The following MOB3A variants were observed in gnomAD, a reference collection of about 807,000 sequenced individuals.
MOB3A encodes MOB LAK.
In MOB3A, 17 loss-of-function variants were observed where a neutral mutation model predicts 17.8. The ratio of observed to expected loss-of-function variants is 0.95; its 90% CI spans 0.65 to 1.43. The LOEUF is 1.43. Ranked by LOEUF, MOB3A falls within the 40% of genes most tolerant of loss-of-function variation. The pLI is 0.00. For synonymous variants in MOB3A, 124 were observed against 133.2 expected, an observed-to-expected ratio of 0.93 and a Z score of 0.48; for missense variants, 333 against 310.8, an observed-to-expected ratio of 1.07 and a Z score of -0.54.
At chr19:2,084,573 C>T (rs1158348756) in intron 2 of MOB3A, among the ~76,000 whole-genome samples, 1 of 151,984 alleles carries the variant, frequency 6.6e-6, no homozygotes, top group Non-Finnish European at 1.5e-5. Context: ...GTTCCCGTCA[C>T]AGCAGACGGT....
At chr19:2,091,139 C>A (rs1341527518) in intron 1 of MOB3A, among the ~76,000 whole-genome samples, 1 of 152,186 alleles carries the variant, frequency 6.6e-6, no homozygotes, top group Admixed American at 6.5e-5. Context: ...CCAGTGCCGG[C>A]TGCTGGCCAG....
chr19:2,084,739 C>T (rs914693485), intron 2 of MOB3A, among the ~76,000 whole-genome samples: 17 of 151,822 alleles, frequency 1.1e-4, no homozygotes, highest in African/African-American at 3.1e-4. Context: ...TACAGGCGCC[C>T]GCCACCACAC....
At chr19:2,079,188 G>A (rs1244567401) in intron 2 of MOB3A, among the ~76,000 whole-genome samples, 1 of 152,270 alleles carries the variant, frequency 6.6e-6, no homozygotes, top group Non-Finnish European at 1.5e-5. Flanking sequence ...GCAGAGCCGG[G>A]CCCCAAGAGC....
chr19:2,079,194 A>G (rs978730464), intron 2 of MOB3A, among the ~76,000 whole-genome samples: 1 of 152,270 alleles, frequency 6.6e-6, no homozygotes, highest in African/African-American at 2.4e-5. Flanking sequence ...CCGGGCCCCA[A>G]GAGCCCGCAG....
chr19:2,090,563 G>A (rs535976225), intron 1 of MOB3A, among the ~76,000 whole-genome samples: 47 of 152,254 alleles, frequency 3.1e-4, no homozygotes, highest in African/African-American at 1.1e-3. Context: ...TACCCAGGGG[G>A]AGACCCTGGC....
intron 4 of MOB3A, among the ~76,000 whole-genome samples, chr19:2,075,889 G>A (rs1056121127): frequency 1.3e-5 from 2 of 152,080 alleles, no homozygotes; most frequent in Non-Finnish European, 1.5e-5. Flanking sequence ...TTGGGAGGCC[G>A]AGACAGGGAG....
At chr19:2,081,492 G>C (rs1247231674) in intron 2 of MOB3A, among the ~76,000 whole-genome samples, 1 of 152,132 alleles carries the variant, frequency 6.6e-6, no homozygotes, top group East Asian at 1.9e-4. Context: ...GGAGGCTGAG[G>C]CAGGAGAATC....
intron 4 of MOB3A, 120 bp from the exon 5 acceptor site, chr19:2,073,544 C>T (rs1427264887): frequency 2.5e-5 from 34 of 1,355,450 alleles, no homozygotes; most frequent in Non-Finnish European, 3.6e-5. Flanking sequence ...CCCTGAACAC[C>T]CAAACAACAA....
chr19:2,076,413 C>CA (rs1469672736), intron 4 of MOB3A, among the ~76,000 whole-genome samples: 1 of 152,160 alleles, frequency 6.6e-6, no homozygotes, highest in Non-Finnish European at 1.5e-5. Context: ...GCCTGGGTGA[C>CA]AGAGTGAGAC....
intron 1 of MOB3A, among the ~76,000 whole-genome samples, chr19:2,089,397 C>T (rs995190883): frequency 3.3e-5 from 5 of 152,128 alleles, no homozygotes; most frequent in African/African-American, 1.2e-4. Context: ...TGGACATCGG[C>T]GTGGGTCACT....
intron 1 of MOB3A, among the ~76,000 whole-genome samples, chr19:2,087,888 G>A (rs1291976643): frequency 6.6e-6 from 1 of 152,202 alleles, no homozygotes; most frequent in Non-Finnish European, 1.5e-5. Context: ...GGCTTGACTG[G>A]GCACCACCGA....
chr19:2,083,160 TC>T (rs2017510923), intron 2 of MOB3A, among the ~76,000 whole-genome samples: 1 of 152,124 alleles, frequency 6.6e-6, no homozygotes, highest in Admixed American at 6.6e-5. Context: ...CCTGCCTGCT[TC>T]CCAAGGAAGG....
At chr19:2,076,573 G>GGCGGC (rs2017411825) in intron 4 of MOB3A, among the ~76,000 whole-genome samples, 1 of 152,250 alleles carries the variant, frequency 6.6e-6, no homozygotes, top group Non-Finnish European at 1.5e-5. Flanking sequence ...CTGGACGCGG[G>GGCGGC]GCGGCGCGGA....
In MOB3A at chr19:2,081,313, C is replaced by CGT. The variant is rs1555696091; in HGVS notation, c.-119-2636_-119-2635dup. The stretch of plus-strand genomic sequence containing the variant: ...GAAAAAAAGCAAGTTAGAGGCCGGG[C>CGT]GTGGTGGCTCACGCCTGTAATCCCG... On this transcript the variant is annotated intron_variant, in intron 2 of 4. Coordinates refer to ENST00000357066, the MANE Select transcript of MOB3A (RefSeq NM_130807.3). Among the ~76,000 whole-genome samples the CGT allele has an allele frequency of 3.3e-5, 5 of 152,246 alleles. No homozygotes were observed. The East Asian group carries it at 9.6e-4, about 29-fold the overall frequency.
rs371145068 is a variant in MOB3A, at chr19:2,078,137, C to A, written c.421+3G>T. 6 of 1,563,218 alleles carry A rather than the reference C, an allele frequency of 3.8e-6. No homozygotes were observed. The African/African-American group carries it at 8.1e-5, about 21-fold the overall frequency. On this transcript the variant is annotated splice_donor_region_variant and intron_variant, in intron 3 of 4. Transcript: ENST00000357066. ...CCCCGAGCCCCTGCCAGCTCTGACT[C>A]ACCAACGTTGGTGGGGAAGAGGTCC...
rs2017640922 is a variant in MOB3A at position 2,093,989 on chromosome 19, C to T, written c.-274+2237G>A. On this transcript the variant is annotated intron_variant, in intron 1 of 4. Coordinates refer to ENST00000357066, the MANE Select transcript of MOB3A (RefSeq NM_130807.3). This position sits in a 1 kb window ranked among gnomAD's most constrained non-coding sequence, Gnocchi z 4.6. Reference sequence around the variant, plus strand: ...AGTTCTCAGGGCTGCAACTCTGCAACTCTGACAGCCCGGGGGGCTCATCCA... The same window carrying T: ...AGTTCTCAGGGCTGCAACTCTGCAATTCTGACAGCCCGGGGGGCTCATCCA... 1.3e-5 allele frequency among the ~76,000 whole-genome samples: 2 copies of T among 151,562 alleles called. No homozygotes were observed. Among genetic ancestry groups the T allele is most frequent in the Non-Finnish European group, 2.9e-5 (2 of 67,948 alleles).
At chr19:2,081,185 G>A (rs183461531) in intron 2 of MOB3A, among the ~76,000 whole-genome samples, 27 of 152,208 alleles carry the variant, frequency 1.8e-4, no homozygotes, top group Admixed American at 5.2e-4. Context: ...TTAGGGTTAG[G>A]GTACCCCCCA....
rs1349675827 is a variant in MOB3A at position 2,095,985 on chromosome 19, C to G, written c.-274+241G>C. On this transcript the variant is annotated intron_variant, in intron 1 of 4. Transcript: ENST00000357066. ...TCTCGAACTCCCGACCTCAGGTGAT[C>G]CACCCGCGTCGGCCTCCCAAAGTGC... Among the ~76,000 whole-genome samples, 7 of 152,276 alleles carry G rather than the reference C, an allele frequency of 4.6e-5. No homozygotes were observed. In the East Asian group the frequency reaches 1.4e-3, roughly 29 times the overall value.
chr19:2,073,044 T>G lies in MOB3A; in HGVS notation c.*351A>C. 1 of 315,642 alleles carries G rather than the reference T, an allele frequency of 3.2e-6. No homozygotes were observed. The highest frequency in any genetic ancestry group is 5.9e-6 in the Non-Finnish European group (1 of 170,626). 19.6% of individuals were successfully genotyped at this position (315,642 alleles called of 1,614,324 possible). On this transcript the variant is annotated 3_prime_UTR_variant, in exon 5 of 5. Coordinates refer to ENST00000357066, the MANE Select transcript of MOB3A (RefSeq NM_130807.3). The stretch of plus-strand genomic sequence containing the variant: ...CTCCCCAGCGAGGTGGAGGCAGAAG[T>G]TCCAGGAGCCTGGGAGCCACCCAGG...
Sources: allele counts gnomAD v4.1 joint callset (sites outside exome capture counted in the v4.1 genomes callset), GRCh38; gene constraint gnomAD v4.1.1; non-coding constraint Gnocchi (gnomAD v3.1); transcripts MANE v1.5; gene names NCBI Gene and HGNC (gene_info 2026-07-23, HGNC 2026-07-21).